The following ADAMTS16 variants were observed in gnomAD, a reference collection of about 807,000 sequenced individuals.
ADAMTS16 encodes A disintegrin and metalloproteinase with thrombospondin motifs 16.
In ADAMTS16, 94 loss-of-function variants were observed where a neutral mutation model predicts 145.8. That is an observed-to-expected ratio of 0.64 (90% CI 0.55 to 0.77). ADAMTS16 has a LOEUF of 0.77. Ranked by LOEUF, ADAMTS16 falls within the 30% of genes least tolerant of loss-of-function variation. The pLI, the probability that ADAMTS16 is intolerant of heterozygous loss-of-function variation, is 0.00. For missense variants in ADAMTS16, 1,585 were observed against 1,591.5 expected (o/e 1.00, Z 0.07); for synonymous variants, 659 against 604.3 (o/e 1.09, Z -1.33).
At position 5,318,227 on chromosome 5, in the gene ADAMTS16, C is replaced by A; in HGVS notation, c.3505C>A (p.Pro1169Thr). ...PASGCLLHQK[P>T]SASLACNTHF... ...CTCAGGCTGCCTCCTGCACCAGAAG[C>A]CTTCGGCCTCCCTGGCCTGCAACAC... Residue 1169 changes from proline (P) to threonine (T), a missense_variant, in exon 22 of 23, where the codon CCT (proline) becomes ACT (threonine). Pro to Thr is a conservative substitution (Grantham distance 38). Transcript: ENST00000274181. 6.4e-7 allele frequency: 1 copy of A among 1,567,134 alleles called. No homozygotes were observed. The highest frequency in any genetic ancestry group is 8.7e-7 in the Non-Finnish European group (1 of 1,151,622).
chr5:5,158,921 T>C (rs1405019849), intron 3 of ADAMTS16, among the ~76,000 whole-genome samples: 1 of 152,248 alleles, frequency 6.6e-6, no homozygotes, highest in African/African-American at 2.4e-5. Flanking sequence ...ATTAAGATTC[T>C]CATGAATAGG....
At chr5:5,304,929 C>A (rs1175578599) in intron 20 of ADAMTS16, among the ~76,000 whole-genome samples, 1 of 151,470 alleles carries the variant, frequency 6.6e-6, no homozygotes, top group Non-Finnish European at 1.5e-5. Context: ...AAAGTCCTTG[C>A]CCTGAAATTT....
intron 18 of ADAMTS16, among the ~76,000 whole-genome samples, chr5:5,284,016 C>T (rs1205322135): frequency 1.3e-5 from 2 of 152,108 alleles, no homozygotes; most frequent in Non-Finnish European, 2.9e-5. Context: ...TCTAAGTTTA[C>T]TTCTTATTTG....
At chr5:5,258,817 T>G (rs1737889944) in intron 17 of ADAMTS16, among the ~76,000 whole-genome samples, 1 of 151,726 alleles carries the variant, frequency 6.6e-6, no homozygotes, top group Non-Finnish European at 1.5e-5. Context: ...AATGTGTGCA[T>G]GCATATGTAT....
chr5:5,251,192 C>G (rs1737613004), intron 17 of ADAMTS16, among the ~76,000 whole-genome samples: 1 of 152,214 alleles, frequency 6.6e-6, no homozygotes, highest in Non-Finnish European at 1.5e-5. Context: ...AAAGACATCA[C>G]TGTAAGCATC....
intron 3 of ADAMTS16, among the ~76,000 whole-genome samples, chr5:5,148,094 G>GA (rs1167373431): frequency 2.3e-5 from 3 of 128,640 alleles, no homozygotes; most frequent in East Asian, 4.0e-4. Context: ...ATAAATAACA[G>GA]AAAAAAATGC....
intron 21 of ADAMTS16, among the ~76,000 whole-genome samples, chr5:5,311,322 AAAAC>A (rs1740425695): frequency 6.6e-6 from 1 of 151,146 alleles, no homozygotes; most frequent in South Asian, 2.1e-4. Context: ...AAAAAACAAA[AAAAC>A]AAAAAAACAT....
intron 11 of ADAMTS16, among the ~76,000 whole-genome samples, chr5:5,228,336 T>C (rs567164841): frequency 1.7e-4 from 26 of 152,332 alleles, no homozygotes; most frequent in Non-Finnish European, 3.8e-4. Context: ...TTGATGGATT[T>C]ATTTTGCTAG....
chr5:5,266,992 T>G (rs1738262107), intron 18 of ADAMTS16, among the ~76,000 whole-genome samples: 1 of 152,228 alleles, frequency 6.6e-6, no homozygotes, highest in South Asian at 2.1e-4. Flanking sequence ...TTGTATTCAC[T>G]TAGATAAATC....
At chr5:5,172,090 CTG>C (rs1228714441) in intron 3 of ADAMTS16, among the ~76,000 whole-genome samples, 2 of 152,006 alleles carry the variant, frequency 1.3e-5, no homozygotes, top group East Asian at 1.9e-4. Flanking sequence ...CTTTGTATGT[CTG>C]TAATGTCTCC....
chr5:5,183,417 A>T (rs1735397725), intron 4 of ADAMTS16, among the ~76,000 whole-genome samples: 2 of 152,224 alleles, frequency 1.3e-5, no homozygotes, highest in Non-Finnish European at 2.9e-5. Context: ...CCCCAAGGTC[A>T]GAGTCAGGAC....
At chr5:5,169,396 C>T (rs746169870) in intron 3 of ADAMTS16, among the ~76,000 whole-genome samples, 2 of 152,178 alleles carry the variant, frequency 1.3e-5, no homozygotes, top group African/African-American at 2.4e-5. Flanking sequence ...CACATTCATT[C>T]GTCATTGCCC....
chr5:5,163,049 C>T (rs1734784015), intron 3 of ADAMTS16, among the ~76,000 whole-genome samples: 1 of 152,170 alleles, frequency 6.6e-6, no homozygotes, highest in Non-Finnish European at 1.5e-5. Flanking sequence ...CTTCAGGGAG[C>T]TTCGTGGTAA....
intron 10 of ADAMTS16, among the ~76,000 whole-genome samples, chr5:5,212,359 A>C (rs1736297974): frequency 6.6e-6 from 1 of 151,708 alleles, no homozygotes; most frequent in African/African-American, 2.4e-5. Context: ...AGGTGCCCAC[A>C]ACCACGCCTG....
intron 10 of ADAMTS16, among the ~76,000 whole-genome samples, chr5:5,212,244 G>A (rs1362397135): frequency 2.2e-5 from 3 of 136,894 alleles, no homozygotes; most frequent in Admixed American, 8.4e-5. Context: ...GTCTTGCTCT[G>A]TCACCCAGGC....
At chr5:5,228,979 TCTC>T (rs1323801218) in intron 11 of ADAMTS16, among the ~76,000 whole-genome samples, 1 of 152,202 alleles carries the variant, frequency 6.6e-6, no homozygotes. Flanking sequence ...CTTCCTTTGT[TCTC>T]CTCTGCCTTT....
chr5:5,193,546 G>A (rs1560942974), intron 8 of ADAMTS16, among the ~76,000 whole-genome samples: 1 of 152,148 alleles, frequency 6.6e-6, no homozygotes, highest in African/African-American at 2.4e-5. Context: ...GCCAGTGAAC[G>A]TTCGATAAGC....
At chr5:5,307,258 G>A (rs72647763) in intron 21 of ADAMTS16, among the ~76,000 whole-genome samples, 1 of 152,142 alleles carries the variant, frequency 6.6e-6, no homozygotes, top group South Asian at 2.1e-4. Flanking sequence ...TCGGGTCGGG[G>A]TGGGCCCAGA....
rs555603856 is a variant in ADAMTS16, at chr5:5,317,973, C to T, written c.3412-161C>T. Among the ~76,000 whole-genome samples the T allele has an allele frequency of 7.2e-5, 11 of 152,218 alleles. No individual in the cohort carries two copies. Among genetic ancestry groups the T allele is most frequent in the Admixed American group, 1.3e-4 (2 of 15,284 alleles). Reference sequence around the variant, plus strand: ...GGTGAGCAGGGACCGTGCTCACTCGCGCACATCGTGGCCAACCATAACTCC... The same window carrying T: ...GGTGAGCAGGGACCGTGCTCACTCGTGCACATCGTGGCCAACCATAACTCC... On this transcript the variant is annotated intron_variant, in intron 21 of 22. Transcript: ENST00000274181. This position sits in a 1 kb window ranked among gnomAD's most constrained non-coding sequence, Gnocchi z 4.5.
Sources: gnomAD v4.1 joint callset for allele counts (sites outside exome capture counted in the v4.1 genomes callset) on GRCh38, gnomAD v4.1.1 for gene constraint, Gnocchi (gnomAD v3.1) non-coding constraint, MANE v1.5 for transcripts, NCBI Gene and HGNC (gene_info 2026-07-23, HGNC 2026-07-21) for gene names.